Variants in C8orf34 observed in about 807,000 individuals in gnomAD.
The protein encoded by C8orf34 is uncharacterized protein C8orf34.
Under a neutral mutation model 68.3 loss-of-function variants are expected in C8orf34, and 65 were observed. The observed-to-expected ratio is 0.95, with a 90% CI of 0.78 to 1.17. C8orf34 has a LOEUF of 1.17. Ranked by LOEUF, C8orf34 falls within the 50% of genes most tolerant of loss-of-function variation. The pLI, the probability that C8orf34 is intolerant of heterozygous loss-of-function variation, is 0.00. For missense variants in C8orf34, 664 were observed against 655.4 expected (o/e 1.01, Z -0.14); for synonymous variants, 244 against 241.2 (o/e 1.01, Z -0.11).
chr8:68,736,990 A>G (rs1195987846), intron 10 of C8orf34, among the ~76,000 whole-genome samples: 1 of 152,128 alleles, frequency 6.6e-6, no homozygotes, highest in African/African-American at 2.4e-5. Context: ...AAATAACAGT[A>G]GCTCCAAATT....
chr8:68,336,846 G>A (rs1051397350), intron 1 of C8orf34, among the ~76,000 whole-genome samples: 67 of 152,150 alleles, frequency 4.4e-4, no homozygotes, highest in African/African-American at 1.5e-3. Flanking sequence ...TAGTAGGTAT[G>A]TATCAAAGGA....
intron 9 of C8orf34, among the ~76,000 whole-genome samples, chr8:68,710,110 T>C (rs1324211120): frequency 3.3e-5 from 5 of 152,046 alleles, no homozygotes; most frequent in Non-Finnish European, 7.4e-5. Context: ...ATTAAGATGG[T>C]GGACAGGAGG....
chr8:68,807,157 G>A (rs1824511783), intron 12 of C8orf34, among the ~76,000 whole-genome samples: 1 of 152,144 alleles, frequency 6.6e-6, no homozygotes, highest in Non-Finnish European at 1.5e-5. Context: ...TCCTAAGCTT[G>A]GAAACTCACA....
At chr8:68,459,224 A>C (rs547334565) in intron 3 of C8orf34, among the ~76,000 whole-genome samples, 126 of 151,976 alleles carry the variant, frequency 8.3e-4, no homozygotes, top group African/African-American at 2.9e-3. Context: ...GAACTCTTTC[A>C]TTTTCTTTTT....
At chr8:68,694,226 TA>T (rs1218985485) in intron 8 of C8orf34, among the ~76,000 whole-genome samples, 2 of 150,680 alleles carry the variant, frequency 1.3e-5, no homozygotes, top group Non-Finnish European at 2.9e-5. Flanking sequence ...AAATAGGCCT[TA>T]AGTGCATCTG....
chr8:68,654,270 T>C (rs1198722082), intron 8 of C8orf34, among the ~76,000 whole-genome samples: 1 of 152,146 alleles, frequency 6.6e-6, no homozygotes, highest in Non-Finnish European at 1.5e-5. Context: ...CCTACAGAAG[T>C]GTGAGCAATA....
intron 1 of C8orf34, among the ~76,000 whole-genome samples, chr8:68,377,109 G>C (rs962267200): frequency 2.6e-5 from 4 of 152,110 alleles, no homozygotes; most frequent in African/African-American, 9.7e-5. Flanking sequence ...AAGCAAGAAG[G>C]GGCTGGGCAT....
chr8:68,654,286 C>T (rs933446956), intron 8 of C8orf34, among the ~76,000 whole-genome samples: 4 of 152,152 alleles, frequency 2.6e-5, no homozygotes, highest in Non-Finnish European at 5.9e-5. Context: ...CAATAAATTT[C>T]TGTTGTTGAT....
rs1254387410 is a variant in C8orf34 at position 68,550,450 on chromosome 8, CAT to C, written c.1105+17302_1105+17303del. 5.3e-5 allele frequency among the ~76,000 whole-genome samples: 8 copies of C among 151,938 alleles called. No individual in the cohort carries two copies. The South Asian group carries it at 6.2e-4, about 12-fold the overall frequency. On this transcript the variant is annotated intron_variant, in intron 7 of 13. Coordinates refer to ENST00000518698, the MANE Select transcript of C8orf34 (RefSeq NM_052958.4). ...CTTCATATATACATATGCATACACACATGTGTAATTTAATACATTGTTGCTAT... is the reference window on the plus strand; with the variant it reads ...CTTCATATATACATATGCATACACACGTGTAATTTAATACATTGTTGCTAT...
At chr8:68,687,416 C>A (rs1442779152) in intron 8 of C8orf34, among the ~76,000 whole-genome samples, 1 of 151,964 alleles carries the variant, frequency 6.6e-6, no homozygotes, top group African/African-American at 2.4e-5. Flanking sequence ...AAAATAGGAT[C>A]TTAGACCAAT....
chr8:68,449,566 T>C (rs1811260230), intron 3 of C8orf34, among the ~76,000 whole-genome samples: 1 of 151,942 alleles, frequency 6.6e-6, no homozygotes, highest in Admixed American at 6.6e-5. Context: ...AATATCACAA[T>C]ATCAGTCGCA....
At chr8:68,539,194 C>G (rs1815608242) in intron 7 of C8orf34, among the ~76,000 whole-genome samples, 1 of 151,958 alleles carries the variant, frequency 6.6e-6, no homozygotes, top group Non-Finnish European at 1.5e-5. Flanking sequence ...ATAAACTTGC[C>G]CACTTCAAAT....
At chr8:68,753,669 A>G (rs1249319721) in intron 10 of C8orf34, among the ~76,000 whole-genome samples, 2 of 152,240 alleles carry the variant, frequency 1.3e-5, no homozygotes, top group Non-Finnish European at 2.9e-5. Flanking sequence ...GTCCAGCCTC[A>G]GTTACATTTT....
At chr8:68,715,953 G>T (rs1344513886) in intron 9 of C8orf34, among the ~76,000 whole-genome samples, 2 of 151,980 alleles carry the variant, frequency 1.3e-5, no homozygotes, top group Admixed American at 6.6e-5. Context: ...AAGAAAATAT[G>T]ATATATATAC....
intron 13 of C8orf34, among the ~76,000 whole-genome samples, chr8:68,817,728 A>G (rs1824860435): frequency 6.6e-6 from 1 of 152,200 alleles, no homozygotes; most frequent in Admixed American, 6.5e-5. Context: ...TACAAAGAAA[A>G]GAGGTTTAAG....
chr8:68,511,041 T>C (rs1016690021), intron 5 of C8orf34, among the ~76,000 whole-genome samples: 2 of 152,198 alleles, frequency 1.3e-5, no homozygotes, highest in Non-Finnish European at 2.9e-5. Flanking sequence ...AAGGGAAGCA[T>C]ACTCTTCCAG....
chr8:68,334,284 C>G (rs566491438), intron 1 of C8orf34, among the ~76,000 whole-genome samples: 1 of 152,122 alleles, frequency 6.6e-6, no homozygotes, highest in East Asian at 1.9e-4. Context: ...CATTACAAAA[C>G]TATGCCTAAA....
At position 68,585,414 on chromosome 8, in the gene C8orf34, A is replaced by G. The variant is rs151181931; in HGVS notation, c.1105+52265A>G. 6.4e-4 allele frequency among the ~76,000 whole-genome samples: 98 copies of G among 152,260 alleles called. No homozygotes were observed. In the East Asian group the frequency reaches 0.018, roughly 28 times the overall value. ...TTTTCAGTATATAGTTAAATAAAAG[A>G]TTGGATTCTCATGTTGGATAAGAGG... On this transcript the variant is annotated intron_variant, in intron 7 of 13. Coordinates refer to ENST00000518698, the MANE Select transcript of C8orf34 (RefSeq NM_052958.4).
chr8:68,638,859 C>G lies in C8orf34; in HGVS notation c.1106-1517C>G, dbSNP rs180724282. On this transcript the variant is annotated intron_variant, in intron 7 of 13. Coordinates refer to ENST00000518698, the MANE Select transcript of C8orf34 (RefSeq NM_052958.4). The stretch of plus-strand genomic sequence containing the variant: ...CTAGTTTAAAGTTCTGAAATATGAT[C>G]CAGCAACAAATAATATTGGGTCACG... Among the ~76,000 whole-genome samples, 4 of 152,138 alleles carry G rather than the reference C, an allele frequency of 2.6e-5. No homozygotes were observed. In the East Asian group the frequency reaches 7.8e-4, roughly 29 times the overall value.
Sources: allele counts gnomAD v4.1 joint callset (sites outside exome capture counted in the v4.1 genomes callset), GRCh38; gene constraint gnomAD v4.1.1; transcripts MANE v1.5; gene names NCBI Gene and HGNC (gene_info 2026-07-23, HGNC 2026-07-21).